Variants in CDYL observed in about 807,000 individuals in gnomAD.
The protein encoded by CDYL is chromodomain Y like.
CDYL carries 8 observed loss-of-function variants against 47.3 expected under a neutral mutation model. The observed-to-expected ratio is 0.17, with a 90% CI of 0.10 to 0.31. The LOEUF (loss-of-function observed/expected upper bound fraction) is 0.31. Ranked by LOEUF, CDYL falls within the 10% of genes least tolerant of loss-of-function variation. CDYL has a pLI of 1.00. For missense variants in CDYL, 471 were observed against 701.4 expected (o/e 0.67, Z 3.71); for synonymous variants, 266 against 265.0 (o/e 1.00, Z -0.04).
At position 4,802,552 on chromosome 6, in the gene CDYL, AC is replaced by A. The variant is rs1308098275; in HGVS notation, c.24+25746del. On this transcript the variant is annotated intron_variant, in intron 1 of 6. Transcript: ENST00000397588. The stretch of plus-strand genomic sequence containing the variant: ...AGACCCTACCTCAAAAAAACAAAAA[AC>A]AGTTATTATAAATGTTATCTGTGAG... Among the ~76,000 whole-genome samples the A allele has an allele frequency of 2.0e-4, 30 of 152,038 alleles. 1 individual carries two copies. Among genetic ancestry groups the A allele is most frequent in the African/African-American group, 6.8e-4 (28 of 41,368 alleles).
chr6:4,864,775 G>T (rs1277385617), intron 1 of CDYL, among the ~76,000 whole-genome samples: 1 of 152,182 alleles, frequency 6.6e-6, no homozygotes, highest in African/African-American at 2.4e-5. Flanking sequence ...GCCTCCCTAG[G>T]CATGTGGAAC....
At chr6:4,775,693 A>G (rs894992574), upstream of CDYL, among the ~76,000 whole-genome samples, 1 of 148,614 alleles carries the variant, frequency 6.7e-6, no homozygotes, top group Non-Finnish European at 1.5e-5. This position sits in a 1 kb window ranked among gnomAD's most constrained non-coding sequence, Gnocchi z 7.0. Flanking sequence ...CCGCGGAGCC[A>G]GCGTGCCAGC....
intron 2 of CDYL, among the ~76,000 whole-genome samples, chr6:4,727,470 C>T (rs1209757524): frequency 1.3e-5 from 2 of 152,096 alleles, no homozygotes; most frequent in African/African-American, 2.4e-5. Context: ...TAGGACAGAA[C>T]AAGGAGGAAA....
At chr6:4,813,383 T>A (rs778541165) in intron 1 of CDYL, among the ~76,000 whole-genome samples, 17 of 152,328 alleles carry the variant, frequency 1.1e-4, no homozygotes, top group Admixed American at 3.3e-4. Flanking sequence ...CTTTTTAAAA[T>A]CATGAGTGGG....
intron 1 of CDYL, among the ~76,000 whole-genome samples, chr6:4,848,189 G>A (rs1760717272): frequency 6.6e-6 from 1 of 152,126 alleles, no homozygotes; most frequent in African/African-American, 2.4e-5. Context: ...ATTTTTGGGA[G>A]GGGGGTGCTT....
At chr6:4,718,257 G>A (rs1002628001) in intron 2 of CDYL, among the ~76,000 whole-genome samples, 1 of 148,338 alleles carries the variant, frequency 6.7e-6, no homozygotes, top group East Asian at 2.0e-4. Flanking sequence ...CCAGTTTTTT[G>A]TCATTGGTGG....
At chr6:4,714,414 T>C (rs534520123) in intron 1 of CDYL, 4 of 152,290 alleles carry the variant, frequency 2.6e-5, no homozygotes, top group East Asian at 1.9e-4. Context: ...TTCTAGATGA[T>C]TGCTCACAGA....
chr6:4,723,710 CCA>C (rs1409061082), intron 2 of CDYL, among the ~76,000 whole-genome samples: 2 of 152,184 alleles, frequency 1.3e-5, no homozygotes, highest in Non-Finnish European at 2.9e-5. Context: ...GCACCCCAAG[CCA>C]CAGAGCAGGG....
intron 2 of CDYL, among the ~76,000 whole-genome samples, chr6:4,906,402 A>G (rs1561701351): frequency 6.6e-6 from 1 of 152,192 alleles, no homozygotes; most frequent in African/African-American, 2.4e-5. Context: ...GGAAGATCAC[A>G]CTGTTTAATT....
At chr6:4,729,595 A>C (rs1757570434) in intron 2 of CDYL, among the ~76,000 whole-genome samples, 1 of 152,250 alleles carries the variant, frequency 6.6e-6, no homozygotes, top group South Asian at 2.1e-4. Context: ...TCTAAAAAAA[A>C]CAATGACCAA....
At chr6:4,732,077 G>A (rs1268245121) in intron 2 of CDYL, among the ~76,000 whole-genome samples, 2 of 152,182 alleles carry the variant, frequency 1.3e-5, no homozygotes, top group African/African-American at 4.8e-5. Context: ...GTCCATCCCT[G>A]TAATCCCAGC....
intron 1 of CDYL, among the ~76,000 whole-genome samples, chr6:4,880,274 A>G (rs1772663168): frequency 6.6e-6 from 1 of 152,068 alleles, no homozygotes; most frequent in Non-Finnish European, 1.5e-5. Flanking sequence ...AGTTTAAGTC[A>G]TATAGTATGT....
chr6:4,729,586 C>T (rs1402759686), intron 2 of CDYL, among the ~76,000 whole-genome samples: 2 of 152,130 alleles, frequency 1.3e-5, no homozygotes, highest in Non-Finnish European at 2.9e-5. Context: ...AATCCATCAT[C>T]TAAAAAAAAC....
intron 1 of CDYL, among the ~76,000 whole-genome samples, chr6:4,874,915 ATACCCAGCATGTTTATCCACTTTG>A (rs1761577590): frequency 6.6e-6 from 1 of 152,154 alleles, no homozygotes. Context: ...TTGTGTGAAC[ATACCCAGCATGTTTATCCACTTTG>A]CTCTCAGTGG....
At chr6:4,899,497 T>C (rs1009323729) in intron 2 of CDYL, among the ~76,000 whole-genome samples, 1 of 151,992 alleles carries the variant, frequency 6.6e-6, no homozygotes, top group Non-Finnish European at 1.5e-5. Context: ...TTGGGGGTGG[T>C]AAAATGTGGG....
At chr6:4,937,507 G>GA in intron 3 of CDYL, 58 bp from the exon 4 acceptor site, 2 of 1,308,116 alleles carry the variant, frequency 1.5e-6, no homozygotes, top group Non-Finnish European at 2.0e-6. Context: ...AAAAAAAAAT[G>GA]CTTTAAGATT....
chr6:4,903,133 G>T (rs1202471179), intron 2 of CDYL, among the ~76,000 whole-genome samples: 1 of 152,180 alleles, frequency 6.6e-6, no homozygotes, highest in Non-Finnish European at 1.5e-5. Context: ...TGTTAGGGTA[G>T]TCGGGACAAA....
intron 2 of CDYL, among the ~76,000 whole-genome samples, chr6:4,894,093 TTGTA>T (rs1762128554): frequency 6.6e-6 from 1 of 152,206 alleles, no homozygotes; most frequent in African/African-American, 2.4e-5. Context: ...TCTTACTTAG[TTGTA>T]TGTGAGGGAT....
intron 2 of CDYL, among the ~76,000 whole-genome samples, chr6:4,726,123 A>T (rs893450710): frequency 6.6e-6 from 1 of 152,136 alleles, no homozygotes; most frequent in African/African-American, 2.4e-5. Context: ...TTAAAATTCT[A>T]ATAAATGGGC....
Sources: allele counts gnomAD v4.1 joint callset (sites outside exome capture counted in the v4.1 genomes callset), GRCh38; gene constraint gnomAD v4.1.1; non-coding constraint Gnocchi (gnomAD v3.1); transcripts MANE v1.5; gene names NCBI Gene and HGNC (gene_info 2026-07-23, HGNC 2026-07-21).